The following SYNM variants were observed in gnomAD, a reference collection of about 807,000 sequenced individuals.
SYNM encodes synemin.
Under a neutral mutation model 104.0 loss-of-function variants are expected in SYNM, and 95 were observed. The ratio of observed to expected loss-of-function variants is 0.91; its 90% CI spans 0.77 to 1.08. SYNM has a LOEUF of 1.08. SYNM is among the 50% of genes least tolerant of loss of function. SYNM has a pLI of 0.00. For synonymous variants in SYNM, 918 were observed against 869.0 expected (o/e 1.06, Z -0.99); for missense variants, 2,150 against 2,052.2 (o/e 1.05, Z -0.92).
intron 3 of SYNM, among the ~76,000 whole-genome samples, chr15:99,127,982 A>G (rs2067462672): frequency 6.6e-6 from 1 of 150,820 alleles, no homozygotes; most frequent in Admixed American, 6.6e-5. Flanking sequence ...AGGGGCTAAC[A>G]GCTGTTGCTG....
At chr15:99,135,881 A>G (rs1402123264), downstream of SYNM, among the ~76,000 whole-genome samples, 1 of 152,234 alleles carries the variant, frequency 6.6e-6, no homozygotes, top group African/African-American at 2.4e-5. Flanking sequence ...CTGAATGACT[A>G]GTGGCAGTAG....
At chr15:99,113,002 C>T (rs934939015) in intron 1 of SYNM, among the ~76,000 whole-genome samples, 2 of 152,220 alleles carry the variant, frequency 1.3e-5, no homozygotes, top group Admixed American at 6.5e-5. Context: ...TGAGCCACCA[C>T]GCTAGGCCCA....
intron 2 of SYNM, among the ~76,000 whole-genome samples, chr15:99,114,746 G>T (rs1227414437): frequency 6.7e-6 from 1 of 149,270 alleles, no homozygotes; most frequent in Non-Finnish European, 1.5e-5. Context: ...CTGCAGGCCG[G>T]CGGAACAGTG....
intron 2 of SYNM, among the ~76,000 whole-genome samples, chr15:99,119,087 G>A (rs1210050151): frequency 6.6e-6 from 1 of 152,176 alleles, no homozygotes; most frequent in African/African-American, 2.4e-5. Context: ...TGGAGTGTGC[G>A]TTTTATTGCA....
chr15:99,105,174 C>T lies in SYNM; in HGVS notation c.-26C>T, dbSNP rs1201484575. On this transcript the variant is annotated 5_prime_UTR_variant, in exon 1 of 4. Transcript: ENST00000336292. ...CCAGGGCAGGAGGGAGCCGGCCAGC[C>T]GCGAGAACCCCGCACGCCCGGCAAG... 3 of 1,564,424 alleles carry T rather than the reference C, an allele frequency of 1.9e-6. No individual in the cohort carries two copies. The highest frequency in any genetic ancestry group is 2.6e-6 in the Non-Finnish European group (3 of 1,160,182).
rs782623403 is a variant in SYNM, at chr15:99,130,182, G to C, written c.1822G>C (p.Gly608Arg). The change falls in exon 4 of 4, where the codon GGT (glycine) becomes CGT (arginine). Residue 608 changes from glycine to arginine, a missense_variant. Gly to Arg is a moderately radical substitution (Grantham distance 125). Transcript: ENST00000336292. Reference protein sequence around the residue: ...TPVKDAGGGTGREAEARELRF... With the variant: ...TPVKDAGGGTRREAEARELRF... ...TGTGAAGGATGCTGGTGGTGGGACC[G>C]GTAGAGAGGCAGAAGCAAGAGAGCT... The C allele has an allele frequency of 6.2e-7, 1 of 1,613,760 alleles. No individual in the cohort carries two copies. Among genetic ancestry groups the C allele is most frequent in the Non-Finnish European group, 8.5e-7 (1 of 1,179,904 alleles).
chr15:99,132,852 G>A lies in SYNM; in HGVS notation c.4492G>A (p.Asp1498Asn). 2 of 1,613,974 alleles carry A rather than the reference G, an allele frequency of 1.2e-6. No homozygotes were observed. The highest frequency in any genetic ancestry group is 1.7e-6 in the Non-Finnish European group (2 of 1,179,888). The change falls in exon 4 of 4, where the codon GAC becomes AAC. Residue 1498 changes from aspartate (D) to asparagine (N), a missense_variant. Transcript: ENST00000336292. The stretch of plus-strand genomic sequence containing the variant: ...CTGGAGAGACGCGGACAGTAGGAAT[G>A]ACCAGGCAGTTGGTGTGAGCTTTAA... ...GSWRDADSRN[D>N]QAVGVSFKAS... is the part of the protein sequence containing the mutation.
intron 1 of SYNM, among the ~76,000 whole-genome samples, chr15:99,109,151 C>G (rs2067276936): frequency 6.6e-6 from 1 of 152,104 alleles, no homozygotes; most frequent in Non-Finnish European, 1.5e-5. Context: ...ACTGGTCCTT[C>G]CCAGATGGCC....
Position 99,121,516 on chromosome 15 carries a change from C to T in SYNM, c.936-5206C>T, listed in dbSNP as rs773170308. 5.3e-5 allele frequency among the ~76,000 whole-genome samples: 8 copies of T among 152,102 alleles called. 1 individual carries two copies. The highest frequency in any genetic ancestry group is 4.1e-4 in the South Asian group (2 of 4,822). ...CACTCGCTGCAGGCTAGCACAGAGT[C>T]GGTAAAGCAGGTGCTTGTGAATAAT... On this transcript the variant is annotated intron_variant, in intron 2 of 3. Coordinates refer to ENST00000336292, the MANE Select transcript of SYNM (RefSeq NM_145728.3).
At chr15:99,123,992 C>T (rs562026500) in intron 2 of SYNM, among the ~76,000 whole-genome samples, 120 of 152,382 alleles carry the variant, frequency 7.9e-4, no homozygotes, top group Non-Finnish European at 1.2e-4. Flanking sequence ...GTGGGTTTGT[C>T]CTGGGCTCCT....
intron 1 of SYNM, 34 bp from the exon 2 acceptor site, chr15:99,113,557 T>C: frequency 6.2e-7 from 1 of 1,610,818 alleles, no homozygotes; most frequent in Non-Finnish European, 8.5e-7. Context: ...AAAGCTCCAG[T>C]TCTCTGATAT....
intron 1 of SYNM, among the ~76,000 whole-genome samples, chr15:99,110,869 C>A (rs992244701): frequency 1.3e-5 from 2 of 152,216 alleles, no homozygotes; most frequent in African/African-American, 4.8e-5. Context: ...GGCTCCAGTG[C>A]CTCTGTCCTG....
Position 99,130,881 on chromosome 15 carries a change from GGGCACGACAGAGATGAC to G in SYNM, c.2525_2541del (p.His842LeufsTer21). On this transcript the variant is annotated frameshift_variant, in exon 4 of 4. Transcript: ENST00000336292. LOFTEE classifies it high-confidence loss of function. ...GTCCACTCCAGATGAACACCCCGGG[GGGCACGACAGAGATGAC>G]GGCTCGGTGTACGGGCAGATCCACA... 6.2e-7 allele frequency: 1 copy of G among 1,613,938 alleles called. No homozygotes were observed. Among genetic ancestry groups the G allele is most frequent in the South Asian group, 1.1e-5 (1 of 91,080 alleles).
At chr15:99,112,878 T>C (rs1290369497) in intron 1 of SYNM, among the ~76,000 whole-genome samples, 2 of 152,056 alleles carry the variant, frequency 1.3e-5, no homozygotes, top group African/African-American at 4.8e-5. Context: ...GCCCAGCTAT[T>C]TTTTGTATTT....
chr15:99,141,709 C>T, the SYNM span, among the ~76,000 whole-genome samples: 2 of 152,158 alleles, frequency 1.3e-5, no homozygotes, highest in African/African-American at 4.8e-5. Flanking sequence ...ATGCAAGCAG[C>T]CAAATGCCTT....
At chr15:99,107,420 A>G (rs74032221) in intron 1 of SYNM, among the ~76,000 whole-genome samples, 123 of 152,328 alleles carry the variant, frequency 8.1e-4, no homozygotes, top group African/African-American at 2.7e-3. Flanking sequence ...AAAAAGGAGT[A>G]TCTGTCAAAC....
intron 1 of SYNM, among the ~76,000 whole-genome samples, chr15:99,108,710 C>T (rs1379383624): frequency 3.9e-5 from 6 of 152,150 alleles, no homozygotes; most frequent in African/African-American, 1.2e-4. Context: ...AGCTGAGGCA[C>T]ATAAGTCACC....
At chr15:99,126,244 C>T (rs986188169) in intron 2 of SYNM, among the ~76,000 whole-genome samples, 2 of 152,176 alleles carry the variant, frequency 1.3e-5, no homozygotes, top group African/African-American at 4.8e-5. Flanking sequence ...CAGTCCCTGC[C>T]GTCTCCTGGT....
chr15:99,106,657 G>A (rs2067247424), intron 1 of SYNM, among the ~76,000 whole-genome samples: 1 of 152,200 alleles, frequency 6.6e-6, no homozygotes, highest in African/African-American at 2.4e-5. Context: ...GTGGGAAAGT[G>A]GGGCCCTTTG....
Sources: allele counts gnomAD v4.1 joint callset (sites outside exome capture counted in the v4.1 genomes callset), GRCh38; gene constraint gnomAD v4.1.1; transcripts MANE v1.5; gene names NCBI Gene and HGNC (gene_info 2026-07-23, HGNC 2026-07-21).